The following DST variants were observed in gnomAD, a reference collection of about 807,000 sequenced individuals.
DST encodes the protein bullous pemphigoid antigen.
Under a neutral mutation model 875.2 loss-of-function variants are expected in DST, and 253 were observed. That is an observed-to-expected ratio of 0.29 (90% CI 0.26 to 0.32). The LOEUF is 0.32. DST is among the 10% of genes least tolerant of loss of function. The pLI, the probability that DST is intolerant of heterozygous loss-of-function variation, is 1.00. For synonymous variants in DST, 3,124 were observed against 3,197.1 expected, an observed-to-expected ratio of 0.98 and a Z score of 0.77; for missense variants, 8,287 against 9,111.6, an observed-to-expected ratio of 0.91 and a Z score of 3.68.
chr6:56,476,521 C>T (rs897151644), intron 91 of DST, among the ~76,000 whole-genome samples, 184 bp from the exon 92 acceptor site: 18 of 152,142 alleles, frequency 1.2e-4, no homozygotes, highest in African/African-American at 4.1e-4. Flanking sequence ...TGAGAGCCCA[C>T]GATGATGTTC....
chr6:56,502,099 C>T (rs1033932860), intron 78 of DST, among the ~76,000 whole-genome samples: 1 of 152,108 alleles, frequency 6.6e-6, no homozygotes, highest in South Asian at 2.1e-4. Flanking sequence ...TTAGTATTTC[C>T]TGCTCTGAAA....
chr6:56,721,779 T>G (rs1472725863), intron 5 of DST, among the ~76,000 whole-genome samples: 1 of 152,234 alleles, frequency 6.6e-6, no homozygotes, highest in African/African-American at 2.4e-5. Flanking sequence ...GAAAGCCACC[T>G]TCATAAACCG....
chr6:56,608,809 A>G lies in DST; in HGVS notation c.5819T>C (p.Leu1940Ser), dbSNP rs765912179. 2 of 1,611,118 alleles carry G rather than the reference A, an allele frequency of 1.2e-6. No homozygotes were observed. Among genetic ancestry groups the G allele is most frequent in the Admixed American group, 1.7e-5 (1 of 59,514 alleles). ...SLIDMVQRST[L>S]QENTGMWLLP... ...AAGCCACATCCCTGTGTTTTCCTGTAAAGTACTTCTTTGTACCATATCTAT... is the reference window on the plus strand; with the variant it reads ...AAGCCACATCCCTGTGTTTTCCTGTGAAGTACTTCTTTGTACCATATCTAT... The change falls in exon 40 of 104, where the codon TTA (leucine) becomes TCA (serine). Residue 1940 changes from leucine to serine, a missense_variant. Coordinates refer to ENST00000680361, the MANE Select transcript of DST (RefSeq NM_001374736.1).
At chr6:56,864,184 GT>G (rs1219266865) in intron 3 of DST, 1 of 152,168 alleles carries the variant, frequency 6.6e-6, no homozygotes, top group Non-Finnish European at 1.5e-5. Context: ...CCTTGCCTGA[GT>G]TTCCAGCCTG....
intron 4 of DST, among the ~76,000 whole-genome samples, chr6:56,795,515 A>G (rs888370730): frequency 6.6e-6 from 1 of 152,210 alleles, no homozygotes; most frequent in Admixed American, 6.5e-5. Context: ...CATATCATCA[A>G]GAAATTTCAG....
intron 45 of DST, among the ~76,000 whole-genome samples, chr6:56,599,161 A>C (rs1004528487): frequency 3.9e-5 from 6 of 152,190 alleles, no homozygotes; most frequent in East Asian, 1.9e-4. Flanking sequence ...TAAACACCAG[A>C]ATCTGTAATA....
chr6:56,865,293 G>C (rs994762480), intron 3 of DST, among the ~76,000 whole-genome samples: 7 of 149,950 alleles, frequency 4.7e-5, no homozygotes, highest in Middle Eastern at 3.4e-3. Context: ...GTGTGTGTGT[G>C]TGTCTGTATG....
intron 8 of DST, among the ~76,000 whole-genome samples, chr6:56,700,271 T>A (rs1027955204): frequency 6.6e-6 from 1 of 152,212 alleles, no homozygotes; most frequent in African/African-American, 2.4e-5. Flanking sequence ...TAGTCTTCCA[T>A]GAAACCAGTC....
intron 3 of DST, among the ~76,000 whole-genome samples, chr6:56,886,570 G>T (rs1784748412): frequency 6.6e-6 from 1 of 152,176 alleles, no homozygotes; most frequent in South Asian, 2.1e-4. Context: ...GAGGTTAGGA[G>T]TTCGAGACCA....
intron 5 of DST, among the ~76,000 whole-genome samples, chr6:56,722,362 A>G (rs1195163173): frequency 1.4e-5 from 2 of 146,380 alleles, no homozygotes; most frequent in African/African-American, 2.7e-5. Context: ...AAAGTAGTAC[A>G]TGTTTGTTTA....
chr6:56,824,134 G>A (rs992533650), intron 4 of DST, among the ~76,000 whole-genome samples: 2 of 152,096 alleles, frequency 1.3e-5, no homozygotes, highest in Non-Finnish European at 2.9e-5. Flanking sequence ...TCAGCCTGCC[G>A]AGTGCCTGCG....
chr6:56,857,643 T>C lies in DST; in HGVS notation c.418-6039A>G, dbSNP rs547847838. Among the ~76,000 whole-genome samples, 403 of 152,368 alleles carry C rather than the reference T, an allele frequency of 2.6e-3. 6 individuals are homozygous for C. The highest frequency in any genetic ancestry group is 3.5e-3 in the Admixed American group (53 of 15,300). On this transcript the variant is annotated intron_variant, in intron 3 of 103. Coordinates refer to ENST00000680361, the MANE Select transcript of DST (RefSeq NM_001374736.1). ...AGCATCACATAATTTTGATATTTTA[T>C]ATAAACAAAAACAGAAAATTTTTTC...
intron 55 of DST, among the ~76,000 whole-genome samples, chr6:56,565,042 G>A (rs1266694369): frequency 1.3e-5 from 2 of 151,830 alleles, no homozygotes; most frequent in Non-Finnish European, 2.9e-5. Context: ...TTGTGTCTCT[G>A]CCAGGTTTTG....
At chr6:56,485,217 C>A in intron 88 of DST, 95 bp downstream of exon 88, 2 of 1,377,378 alleles carry the variant, frequency 1.5e-6, no homozygotes, top group Non-Finnish European at 1.0e-6. Context: ...GATCTATAGT[C>A]TTCTGATTTT....
At chr6:56,697,429 C>T (rs976948615) in intron 9 of DST, among the ~76,000 whole-genome samples, 2 of 152,096 alleles carry the variant, frequency 1.3e-5, no homozygotes, top group African/African-American at 4.8e-5. Context: ...GAGCAAAAAA[C>T]GATTTGAGAA....
In DST at chr6:56,940,628, G is replaced by A. The variant is rs370823739; in HGVS notation, c.216+13157C>T. Among the ~76,000 whole-genome samples, 24 of 151,916 alleles carry A rather than the reference G, an allele frequency of 1.6e-4. No individual in the cohort carries two copies. The East Asian group carries it at 2.5e-3, about 16-fold the overall frequency. On this transcript the variant is annotated intron_variant, in intron 2 of 103. Transcript: ENST00000680361. ...ACAGGGTCTTGCTGTCACCCAGGGC[G>A]GAGTGCAGTGGCGCAATCACAGCTC...
At chr6:56,501,402 G>A in intron 79 of DST, 118 bp downstream of exon 79, 1 of 1,127,354 alleles carries the variant, frequency 8.9e-7, no homozygotes, top group Non-Finnish European at 1.2e-6. Context: ...CGCTCCTCAT[G>A]GTTAAAATAG....
chr6:56,572,081 T>C lies in DST; in HGVS notation c.13721+19A>G. The C allele has an allele frequency of 7.4e-7, 1 of 1,349,658 alleles. No homozygotes were observed. 83.6% of individuals were successfully genotyped at this position (1,349,658 alleles called of 1,614,324 possible). A position where few individuals can be genotyped will look rare whatever the true frequency, so the allele number is the denominator to read the frequency against. ...TTAATATAAATAGAATAAAATATAA[T>C]TTTTAAAGTGGTACTTACTTTTCTT... On this transcript the variant is annotated intron_variant, in intron 53 of 103. Transcript: ENST00000680361.
chr6:56,474,092 C>T (rs1466496471), intron 92 of DST, 90 bp from the exon 93 acceptor site: 1 of 1,120,014 alleles, frequency 8.9e-7, no homozygotes, highest in Non-Finnish European at 1.3e-6. Flanking sequence ...ATAAAAGAAC[C>T]ATGTTATTAT....
Sources: gnomAD v4.1 joint callset for allele counts (sites outside exome capture counted in the v4.1 genomes callset) on GRCh38, gnomAD v4.1.1 for gene constraint, MANE v1.5 for transcripts, NCBI Gene and HGNC (gene_info 2026-07-23, HGNC 2026-07-21) for gene names.